The following KSR2 variants were observed in gnomAD, a reference collection of about 807,000 sequenced individuals.
KSR2 encodes kinase suppressor of ras 2.
Under a neutral mutation model 107.8 loss-of-function variants are expected in KSR2, and 25 were observed. The ratio of observed to expected loss-of-function variants is 0.23; its 90% CI spans 0.17 to 0.32. The LOEUF (loss-of-function observed/expected upper bound fraction) is 0.32. KSR2 is among the 10% of genes least tolerant of loss of function. The pLI is 1.00. For synonymous variants in KSR2, 480 were observed against 507.0 expected, an observed-to-expected ratio of 0.95 and a Z score of 0.71; for missense variants, 887 against 1,268.9, an observed-to-expected ratio of 0.70 and a Z score of 4.57.
intron 14 of KSR2, 36 bp downstream of exon 14, chr12:117,524,816 T>C (rs1874999712): frequency 6.4e-7 from 1 of 1,557,786 alleles, no homozygotes; most frequent in Non-Finnish European, 8.7e-7. Flanking sequence ...AGCAGAGTTT[T>C]GCCAATCCCT....
At chr12:117,477,264 C>T (rs1871850307) in intron 16 of KSR2, among the ~76,000 whole-genome samples, 1 of 152,208 alleles carries the variant, frequency 6.6e-6, no homozygotes. Context: ...GAAACATGTG[C>T]ATTGGGTAAC....
intron 4 of KSR2, among the ~76,000 whole-genome samples, chr12:117,687,143 G>T (rs1486971464): frequency 1.3e-5 from 2 of 152,138 alleles, no homozygotes; most frequent in African/African-American, 4.8e-5. Flanking sequence ...CACGACCTTG[G>T]GCAGGTCAGA....
chr12:117,768,040 C>T (rs1353064443), intron 3 of KSR2, among the ~76,000 whole-genome samples: 1 of 152,156 alleles, frequency 6.6e-6, no homozygotes, highest in African/African-American at 2.4e-5. Flanking sequence ...CACCACACAG[C>T]TGCTTCAAGG....
chr12:117,634,003 G>C (rs149195124), intron 5 of KSR2, among the ~76,000 whole-genome samples: 3 of 152,164 alleles, frequency 2.0e-5, no homozygotes, highest in Non-Finnish European at 4.4e-5. Flanking sequence ...TGGATGATTT[G>C]TTTTCCCATT....
intron 1 of KSR2, among the ~76,000 whole-genome samples, chr12:117,950,695 C>T (rs1377470978): frequency 2.7e-5 from 4 of 147,108 alleles, no homozygotes; most frequent in Non-Finnish European, 5.9e-5. Flanking sequence ...GAGCCAAGAT[C>T]GCACCACTGC....
At chr12:117,588,665 G>A (rs1230014811) in intron 5 of KSR2, among the ~76,000 whole-genome samples, 4 of 152,304 alleles carry the variant, frequency 2.6e-5, no homozygotes, top group East Asian at 3.9e-4. Flanking sequence ...GAGCAAATCT[G>A]AACTTATTTA....
In KSR2 at chr12:117,761,169, C is replaced by T; in HGVS notation, c.828G>A (p.Thr276=). Residue 276 remains threonine, a synonymous_variant, in exon 4 of 20, where the codon ACG becomes ACA. Coordinates refer to ENST00000339824, the MANE Select transcript of KSR2 (RefSeq NM_173598.6). ...NIVTTVTPPG[T]PPMRKKNKLK... is the part of the protein sequence containing the mutation. ...GCTTGTTCTTCTTCCTCATGGGCGG[C>T]GTGCCCGGCGGGGTCACGGTGGTGA... is the stretch of plus-strand genomic sequence containing the variant. 1 of 1,600,000 alleles carries T rather than the reference C, an allele frequency of 6.3e-7. No individual in the cohort carries two copies. The highest frequency in any genetic ancestry group is 8.5e-7 in the Non-Finnish European group (1 of 1,172,040).
chr12:117,677,618 G>A (rs190700083), intron 4 of KSR2, among the ~76,000 whole-genome samples: 4 of 152,254 alleles, frequency 2.6e-5, no homozygotes. Context: ...ATTCTTTGGT[G>A]CCATAACTCA....
At chr12:117,560,405 C>T (rs1238987220) in intron 7 of KSR2, among the ~76,000 whole-genome samples, 3 of 151,996 alleles carry the variant, frequency 2.0e-5, no homozygotes, top group Non-Finnish European at 2.9e-5. Context: ...CTGGGACCAC[C>T]GAGAGTGCAG....
chr12:117,955,855 T>TAAA (rs34170897), intron 1 of KSR2, among the ~76,000 whole-genome samples: 6 of 143,884 alleles, frequency 4.2e-5, no homozygotes, highest in East Asian at 2.0e-4. Flanking sequence ...CCTCAGGGGG[T>TAAA]AAAAAAAAAA....
At chr12:117,867,893 G>A (rs1018812052) in intron 1 of KSR2, among the ~76,000 whole-genome samples, 39 of 152,138 alleles carry the variant, frequency 2.6e-4, no homozygotes, top group Admixed American at 3.3e-4. Context: ...CCACATCAAC[G>A]CATGAAAATC....
chr12:117,582,941 T>G (rs1408058542), intron 5 of KSR2, among the ~76,000 whole-genome samples: 8 of 152,270 alleles, frequency 5.3e-5, no homozygotes, highest in Non-Finnish European at 1.2e-4. Flanking sequence ...AGTTATTTAT[T>G]TAACATTTTA....
intron 1 of KSR2, among the ~76,000 whole-genome samples, chr12:117,869,199 C>A (rs1893574413): frequency 1.3e-5 from 2 of 151,984 alleles, no homozygotes; most frequent in Admixed American, 6.5e-5. Flanking sequence ...TGGTGAAATC[C>A]CAACTCTACT....
chr12:117,596,299 C>T (rs1009065822), intron 5 of KSR2, among the ~76,000 whole-genome samples: 10 of 152,118 alleles, frequency 6.6e-5, no homozygotes, highest in African/African-American at 2.4e-4. Context: ...ATTAAGAGAA[C>T]AGCAAGGGAA....
intron 1 of KSR2, among the ~76,000 whole-genome samples, chr12:117,955,052 C>T (rs1444467159): frequency 2.0e-5 from 3 of 151,996 alleles, no homozygotes; most frequent in African/African-American, 7.2e-5. Flanking sequence ...GTAACAGGCA[C>T]TCGAATCTAC....
At chr12:117,675,675 C>T (rs1411303916) in intron 4 of KSR2, among the ~76,000 whole-genome samples, 1 of 152,188 alleles carries the variant, frequency 6.6e-6, no homozygotes, top group Non-Finnish European at 1.5e-5. Context: ...GAAACAGAGC[C>T]GCTGGCTCAC....
At position 117,667,523 on chromosome 12, in the gene KSR2, A is replaced by T; in HGVS notation, c.1122T>A (p.Pro374=). The change falls in exon 5 of 20, where the codon CCT becomes CCA. Residue 374 remains proline (P), a synonymous_variant. Coordinates refer to ENST00000339824, the MANE Select transcript of KSR2 (RefSeq NM_173598.6). ...SLRSFFVGHA[P]FLPSTPPVHT... The stretch of plus-strand genomic sequence containing the variant: ...GAACAGGAGGGGTGGAAGGCAGGAA[A>T]GGTGCGTGTCCCACAAAGAAGGAGC... 2 of 1,612,776 alleles carry T rather than the reference A, an allele frequency of 1.2e-6. No homozygotes were observed.
At chr12:117,730,581 G>A (rs983113605) in intron 4 of KSR2, among the ~76,000 whole-genome samples, 1 of 151,864 alleles carries the variant, frequency 6.6e-6, no homozygotes, top group African/African-American at 2.4e-5. Context: ...CTGTACTGCC[G>A]CCATCTCGGC....
At chr12:117,872,252 C>T (rs1893676250) in intron 1 of KSR2, among the ~76,000 whole-genome samples, 1 of 152,166 alleles carries the variant, frequency 6.6e-6, no homozygotes, top group South Asian at 2.1e-4. Context: ...CACATTATTT[C>T]CCTCTTTCCT....
Sources: gnomAD v4.1 joint callset for allele counts (sites outside exome capture counted in the v4.1 genomes callset) on GRCh38, gnomAD v4.1.1 for gene constraint, MANE v1.5 for transcripts, NCBI Gene and HGNC (gene_info 2026-07-23, HGNC 2026-07-21) for gene names.